OXR1: variants seen among roughly 807,000 people sequenced by gnomAD.
OXR1 encodes the protein oxidation resistance 1, also known as oxidation resistance protein 1.
A neutral mutation model predicts 104.6 loss-of-function variants in OXR1; 41 were observed. The ratio of observed to expected loss-of-function variants is 0.39; its 90% confidence interval spans 0.31 to 0.51. The LOEUF is 0.51. Ranked by LOEUF, OXR1 falls within the 20% of genes least tolerant of loss-of-function variation. The probability of loss-of-function intolerance (pLI) is 0.77; values close to 1 mark genes in which losing one functional copy is unlikely to be tolerated. For missense variants in OXR1, 955 were observed against 1,031.9 expected (o/e 0.93, Z 1.02); for synonymous variants, 348 against 348.4 (o/e 1.00, Z 0.01).
chr8:106,407,323 A>G (rs552030443), intron 2 of OXR1, among the ~76,000 whole-genome samples: 3 of 152,284 alleles, frequency 2.0e-5, no homozygotes, highest in East Asian at 1.9e-4. Context: ...TTTGAATCTG[A>G]TTGATTTTCC....
chr8:106,466,453 G>A (rs571004285), intron 2 of OXR1, among the ~76,000 whole-genome samples: 7 of 151,774 alleles, frequency 4.6e-5, no homozygotes, highest in Non-Finnish European at 8.8e-5. Flanking sequence ...GATCATGCTC[G>A]TGATTATTCT....
intron 2 of OXR1, among the ~76,000 whole-genome samples, chr8:106,490,586 G>A (rs1326802911): frequency 2.6e-5 from 4 of 152,026 alleles, no homozygotes; most frequent in Admixed American, 6.6e-5. Flanking sequence ...GACTGATCTC[G>A]AACCCCCAAT....
chr8:106,270,850 A>G (rs1391795538), intron 1 of OXR1, among the ~76,000 whole-genome samples: 4 of 152,060 alleles, frequency 2.6e-5, no homozygotes, highest in Non-Finnish European at 4.4e-5. Context: ...GCGCGTGGAA[A>G]GCGGATTTGG....
At chr8:106,688,456 G>A (rs1041405294) in intron 6 of OXR1, among the ~76,000 whole-genome samples, 4 of 151,990 alleles carry the variant, frequency 2.6e-5, no homozygotes, top group Non-Finnish European at 4.4e-5. Flanking sequence ...TCTGAGGAAG[G>A]CCTAGGAAGT....
intron 2 of OXR1, among the ~76,000 whole-genome samples, chr8:106,370,305 C>T (rs748587276): frequency 7.9e-5 from 12 of 152,130 alleles, no homozygotes; most frequent in East Asian, 7.7e-4. Flanking sequence ...GAGGCTGACA[C>T]GATAGGGTTT....
At chr8:106,514,080 C>G (rs116037676) in intron 2 of OXR1, among the ~76,000 whole-genome samples, 1 of 152,108 alleles carries the variant, frequency 6.6e-6, no homozygotes, top group Non-Finnish European at 1.5e-5. Flanking sequence ...GGCTTCAGCA[C>G]CCATTTTCCT....
intron 3 of OXR1, among the ~76,000 whole-genome samples, chr8:106,639,785 A>G (rs942317158): frequency 2.0e-5 from 3 of 152,322 alleles, no homozygotes; most frequent in Admixed American, 2.0e-4. Flanking sequence ...CTTTCTATTG[A>G]AGAATTGATG....
At chr8:106,599,584 C>G (rs1437683742) in intron 3 of OXR1, among the ~76,000 whole-genome samples, 1 of 152,158 alleles carries the variant, frequency 6.6e-6, no homozygotes, top group East Asian at 1.9e-4. Context: ...TCAAAGTAAG[C>G]CAGAAGCTTA....
chr8:106,432,235 C>T (rs1249915671), intron 2 of OXR1, among the ~76,000 whole-genome samples: 3 of 152,280 alleles, frequency 2.0e-5, no homozygotes, highest in Non-Finnish European at 2.9e-5. Flanking sequence ...TCCATCTTTT[C>T]TTCACCCAGC....
At chr8:106,271,695 C>T (rs149303920) in intron 1 of OXR1, 1 of 152,398 alleles carries the variant, frequency 6.6e-6, no homozygotes, top group African/African-American at 2.4e-5. Flanking sequence ...TTTCTGCCTC[C>T]TTTTCCCAGG....
Position 106,629,318 on chromosome 8 carries a change from G to A in OXR1, c.221-49892G>A, listed in dbSNP as rs1222289526. Among the ~76,000 whole-genome samples, 4 of 152,052 alleles carry A rather than the reference G, an allele frequency of 2.6e-5. No individual in the cohort carries two copies. The East Asian group carries it at 5.8e-4, about 22-fold the overall frequency. Reference sequence around the variant, plus strand: ...CCTACATTCATGGCATTTCTGAGAGGTTGGCAAATGAGGAAACACTCCCAA... The same window carrying A: ...CCTACATTCATGGCATTTCTGAGAGATTGGCAAATGAGGAAACACTCCCAA... On this transcript the variant is annotated intron_variant, in intron 3 of 16. Coordinates refer to ENST00000517566, the MANE Select transcript of OXR1 (RefSeq NM_001198533.2).
intron 2 of OXR1, among the ~76,000 whole-genome samples, chr8:106,474,065 G>A (rs1401406620): frequency 7.1e-6 from 1 of 141,722 alleles, no homozygotes; most frequent in East Asian, 2.1e-4. Context: ...AGTATTTCAT[G>A]TAAATTTCAT....
At chr8:106,594,969 G>A (rs1225111976) in intron 3 of OXR1, among the ~76,000 whole-genome samples, 1 of 152,210 alleles carries the variant, frequency 6.6e-6, no homozygotes, top group Non-Finnish European at 1.5e-5. Flanking sequence ...GCAGATGCCT[G>A]CCCATTGCTG....
At chr8:106,415,152 G>A (rs1818619895) in intron 2 of OXR1, among the ~76,000 whole-genome samples, 1 of 151,788 alleles carries the variant, frequency 6.6e-6, no homozygotes, top group African/African-American at 2.4e-5. Flanking sequence ...GTGGCATGCT[G>A]TTAAAATGCC....
chr8:106,421,226 TAAAG>T (rs1818892948), intron 2 of OXR1, among the ~76,000 whole-genome samples: 1 of 152,116 alleles, frequency 6.6e-6, no homozygotes, highest in African/African-American at 2.4e-5. Context: ...AGAACACTAG[TAAAG>T]AATGCTGCTC....
intron 2 of OXR1, among the ~76,000 whole-genome samples, chr8:106,442,945 T>A (rs1586648249): frequency 6.6e-6 from 1 of 152,286 alleles, no homozygotes; most frequent in African/African-American, 2.4e-5. Context: ...TGTCTTCTGC[T>A]AGCTTTTGGA....
chr8:106,311,901 T>C (rs1287417338), intron 1 of OXR1, among the ~76,000 whole-genome samples: 1 of 152,162 alleles, frequency 6.6e-6, no homozygotes, highest in African/African-American at 2.4e-5. Context: ...ATTTGCACCC[T>C]GTCTCTCCCT....
At chr8:106,505,262 A>G (rs1812082468) in intron 2 of OXR1, among the ~76,000 whole-genome samples, 2 of 152,240 alleles carry the variant, frequency 1.3e-5, no homozygotes, top group African/African-American at 4.8e-5. Context: ...AGTCTTCTGT[A>G]TGAAGACAGG....
At chr8:106,589,097 C>T (rs544717934) in intron 3 of OXR1, among the ~76,000 whole-genome samples, 127 of 152,274 alleles carry the variant, frequency 8.3e-4, no homozygotes, top group African/African-American at 2.8e-3. Context: ...AAAGCCGAAG[C>T]TTTAAAGGGG....
Sources: gnomAD v4.1 joint callset for allele counts (sites outside exome capture counted in the v4.1 genomes callset) on GRCh38, gnomAD v4.1.1 for gene constraint, MANE v1.5 for transcripts, NCBI Gene and HGNC (gene_info 2026-07-23, HGNC 2026-07-21) for gene names.